GSN: variants seen among roughly 807,000 people sequenced by gnomAD.
GSN encodes gelsolin.
Under a neutral mutation model 85.7 loss-of-function variants are expected in GSN, and 56 were observed. The observed-to-expected ratio is 0.65, with a 90% CI of 0.53 to 0.82. The LOEUF is 0.82. Among genes scored for constraint, GSN ranks in the 40% least tolerant of loss-of-function variants. The pLI is 0.00. For missense variants in GSN, 857 were observed against 979.8 expected (o/e 0.87, Z 1.67); for synonymous variants, 373 against 399.1 (o/e 0.93, Z 0.78).
intron 6 of GSN, among the ~76,000 whole-genome samples, chr9:121,259,554 A>G (rs2132271884): frequency 6.6e-6 from 1 of 152,358 alleles, no homozygotes; most frequent in South Asian, 2.1e-4. Flanking sequence ...ATGACCTGAC[A>G]GGAACCAGCA....
At chr9:121,247,018 A>G (rs1329273952) in intron 5 of GSN, among the ~76,000 whole-genome samples, 1 of 152,180 alleles carries the variant, frequency 6.6e-6, no homozygotes, top group African/African-American at 2.4e-5. Context: ...AGACAGAGCA[A>G]TAGGCATCTA....
upstream of GSN, among the ~76,000 whole-genome samples, chr9:121,205,786 T>C (rs189011285): frequency 1.1e-4 from 16 of 152,278 alleles, no homozygotes; most frequent in East Asian, 1.9e-4. Context: ...TTTTTATAAA[T>C]TGTTTTGTAA....
At chr9:121,300,664 G>C (rs1338901636) in intron 2 of GSN, among the ~76,000 whole-genome samples, 3 of 152,124 alleles carry the variant, frequency 2.0e-5, no homozygotes, top group East Asian at 1.9e-4. Flanking sequence ...CCCAGCCCCA[G>C]TGCATGTGTA....
chr9:121,298,144 G>A (rs7870797), intron 2 of GSN, among the ~76,000 whole-genome samples: 59,595 of 151,746 alleles, frequency 0.39, 13,782 homozygotes, highest in East Asian at 0.62. Context: ...CTTCAGTGTG[G>A]CACACAGGCC....
intron 11 of GSN, among the ~76,000 whole-genome samples, chr9:121,322,155 C>T (rs937262953): frequency 6.6e-6 from 1 of 152,138 alleles, no homozygotes; most frequent in Non-Finnish European, 1.5e-5. Flanking sequence ...CTACCCCATT[C>T]TCCAGACCCC....
intron 2 of GSN, among the ~76,000 whole-genome samples, chr9:121,296,784 C>G (rs994039642): frequency 4.6e-5 from 7 of 152,238 alleles, no homozygotes; most frequent in Non-Finnish European, 8.8e-5. Flanking sequence ...ATGGTCTCCA[C>G]TCATCAGTGC....
chr9:121,292,753 A>G (rs1363106360), intron 2 of GSN, among the ~76,000 whole-genome samples: 1 of 151,958 alleles, frequency 6.6e-6, no homozygotes, highest in Non-Finnish European at 1.5e-5. Context: ...CCTGTTGGTC[A>G]TTTTTGGTAT....
At chr9:121,217,214 A>C (rs565375785) in intron 4 of GSN, among the ~76,000 whole-genome samples, 1 of 151,996 alleles carries the variant, frequency 6.6e-6, no homozygotes, top group African/African-American at 2.4e-5. Flanking sequence ...ATACAAAAAA[A>C]AATTAGCTGG....
chr9:121,255,736 G>T (rs926200553), intron 6 of GSN, among the ~76,000 whole-genome samples: 1 of 151,862 alleles, frequency 6.6e-6, no homozygotes, highest in Non-Finnish European at 1.5e-5. Context: ...TCTTCTTTTG[G>T]TGAACCTTTA....
chr9:121,304,854 A>G (rs919984802), intron 4 of GSN, among the ~76,000 whole-genome samples: 2 of 152,108 alleles, frequency 1.3e-5, no homozygotes, highest in African/African-American at 4.8e-5. Context: ...TGCCCAAGTG[A>G]AGAAGGTGGG....
At chr9:121,274,663 AT>A (rs900731078) in intron 1 of GSN, among the ~76,000 whole-genome samples, 1 of 152,238 alleles carries the variant, frequency 6.6e-6, no homozygotes, top group Non-Finnish European at 1.5e-5. Flanking sequence ...GTGGGAATTG[AT>A]AGCTGCAGAG....
At chr9:121,290,818 T>C (rs2058612464) in intron 2 of GSN, among the ~76,000 whole-genome samples, 1 of 152,310 alleles carries the variant, frequency 6.6e-6, no homozygotes, top group Middle Eastern at 3.4e-3. Flanking sequence ...TAGTGCTCTT[T>C]TTTATTTTTA....
At chr9:121,274,383 A>G (rs1322643705) in intron 1 of GSN, among the ~76,000 whole-genome samples, 2 of 152,308 alleles carry the variant, frequency 1.3e-5, no homozygotes, top group Non-Finnish European at 1.5e-5. Context: ...CAGTTTATAA[A>G]CAATACTGCA....
At chr9:121,219,051 T>TAATA in intron 4 of GSN, among the ~76,000 whole-genome samples, 1 of 152,324 alleles carries the variant, frequency 6.6e-6, no homozygotes, top group East Asian at 1.9e-4. Context: ...TCCAATATCT[T>TAATA]TATTCAGTTT....
intron 2 of GSN, among the ~76,000 whole-genome samples, chr9:121,300,907 G>A (rs909310428): frequency 6.6e-6 from 1 of 152,164 alleles, no homozygotes; most frequent in Non-Finnish European, 1.5e-5. Flanking sequence ...AGGAGGCTCA[G>A]GTGGGCTCAC....
upstream of GSN, among the ~76,000 whole-genome samples, chr9:121,267,908 A>G (rs558827989): frequency 6.6e-6 from 1 of 152,124 alleles, no homozygotes; most frequent in East Asian, 1.9e-4. Flanking sequence ...GCCTCTTCAG[A>G]TCTCCCCTCC....
chr9:121,306,385 C>T (rs141244231), intron 4 of GSN, among the ~76,000 whole-genome samples: 54 of 152,300 alleles, frequency 3.5e-4, no homozygotes, highest in Admixed American at 5.9e-4. Flanking sequence ...ATCTTCATTG[C>T]TTCTTTTCCC....
rs1407488872 is a variant in GSN, at chr9:121,305,898, A to G, written c.351+2833A>G. Among the ~76,000 whole-genome samples, 5 of 152,306 alleles carry G rather than the reference A, an allele frequency of 3.3e-5. No homozygotes were observed. The East Asian group carries it at 9.7e-4, about 29-fold the overall frequency. On this transcript the variant is annotated intron_variant, in intron 4 of 17. Coordinates refer to ENST00000432226, the MANE Select transcript of GSN (RefSeq NM_198252.3). ...CCGGAGGAGCAGGGCTTGTTATGCA[A>G]GACTTGTTCCTGTGAAAGCCTCTTC...
intron 2 of GSN, among the ~76,000 whole-genome samples, chr9:121,294,307 C>T (rs960801660): frequency 6.6e-6 from 1 of 152,122 alleles, no homozygotes; most frequent in Non-Finnish European, 1.5e-5. Context: ...TGGTGGGGTG[C>T]TGAAGGGGCT....
Sources: gnomAD v4.1 joint callset for allele counts (sites outside exome capture counted in the v4.1 genomes callset) on GRCh38, gnomAD v4.1.1 for gene constraint, MANE v1.5 for transcripts, NCBI Gene and HGNC (gene_info 2026-07-23, HGNC 2026-07-21) for gene names.